Variants in CLRN1 observed in about 807,000 individuals in gnomAD.
The protein encoded by CLRN1 is clarin 1.
A neutral mutation model predicts 18.7 loss-of-function variants in CLRN1; 15 were observed. That is an observed-to-expected ratio of 0.80 (90% confidence interval 0.54 to 1.23). CLRN1 has a LOEUF of 1.23. Ranked by LOEUF, CLRN1 falls within the 50% of genes most tolerant of loss-of-function variation. The pLI is 0.00. For missense variants in CLRN1, 311 were observed against 277.5 expected (o/e 1.12, Z -0.86); for synonymous variants, 104 against 102.9 (o/e 1.01, Z -0.07).
At chr3:150,949,169 T>G (rs1682831969) in intron 1 of CLRN1, among the ~76,000 whole-genome samples, 1 of 152,164 alleles carries the variant, frequency 6.6e-6, no homozygotes, top group South Asian at 2.1e-4. Flanking sequence ...TGCTTCATGT[T>G]AAAAACTGTC....
chr3:150,927,464 G>A lies in CLRN1; in HGVS notation c.*472C>T. The A allele has an allele frequency of 2.2e-6, 1 of 452,708 alleles. No individual in the cohort carries two copies. The highest frequency in any genetic ancestry group is 1.6e-5 in the South Asian group (1 of 63,996). 28.0% of individuals were successfully genotyped at this position (452,708 alleles called of 1,614,324 possible). A position where few individuals can be genotyped will look rare whatever the true frequency, so the allele number is the denominator to read the frequency against. On this transcript the variant is annotated 3_prime_UTR_variant, in exon 3 of 3. Coordinates refer to ENST00000327047, the MANE Select transcript of CLRN1 (RefSeq NM_174878.3). ...AAACAAATTTTTTAAAATGTGTGTT[G>A]ATACATTTTATAGATGTTCATTTAA...
intron 1 of CLRN1, among the ~76,000 whole-genome samples, chr3:150,959,103 T>G (rs781011918): frequency 6.6e-6 from 1 of 152,228 alleles, no homozygotes; most frequent in Non-Finnish European, 1.5e-5. Context: ...CTGAATGATA[T>G]GCTAGCATAG....
intron 1 of CLRN1, 143 bp downstream of exon 1, chr3:150,972,313 C>T (rs1715576404): frequency 6.2e-6 from 6 of 963,820 alleles, no homozygotes; most frequent in Non-Finnish European, 9.3e-6. Context: ...AGAAATTGCT[C>T]AGAGTCATAG....
intron 1 of CLRN1, among the ~76,000 whole-genome samples, chr3:150,948,505 A>G (rs1442902995): frequency 6.7e-6 from 1 of 149,522 alleles, no homozygotes; most frequent in African/African-American, 2.4e-5. Flanking sequence ...AAAAAAAAAA[A>G]AAAAGAAATG....
At chr3:150,958,923 A>ACT (rs1714888738) in intron 1 of CLRN1, among the ~76,000 whole-genome samples, 1 of 151,894 alleles carries the variant, frequency 6.6e-6, no homozygotes, top group African/African-American at 2.4e-5. Context: ...AGCCTCCACA[A>ACT]CTCTTTCTCT....
In CLRN1 at chr3:150,927,162, G is replaced by A; in HGVS notation, c.*774C>T. 3.1e-6 allele frequency: 2 copies of A among 636,226 alleles called. No individual in the cohort carries two copies. The highest frequency in any genetic ancestry group is 5.7e-6 in the Non-Finnish European group (2 of 348,100). 39.4% of individuals were successfully genotyped at this position (636,226 alleles called of 1,614,324 possible). ...CTGTCGTGAATGTAATTGGGACTCA[G>A]GCACGGGAGGAAAAATACCCTAAGC... On this transcript the variant is annotated 3_prime_UTR_variant, in exon 3 of 3. Coordinates refer to ENST00000327047, the MANE Select transcript of CLRN1 (RefSeq NM_174878.3).
chr3:150,947,084 GT>G (rs1180354538), intron 1 of CLRN1, among the ~76,000 whole-genome samples: 2 of 151,954 alleles, frequency 1.3e-5, no homozygotes, highest in African/African-American at 4.8e-5. Context: ...TGGTGTTGTG[GT>G]TGCGCTTTTA....
At chr3:150,949,932 C>T (rs1714397040) in intron 1 of CLRN1, among the ~76,000 whole-genome samples, 1 of 152,080 alleles carries the variant, frequency 6.6e-6, no homozygotes, top group Non-Finnish European at 1.5e-5. Context: ...CTACAGTAAC[C>T]AAAACAGAAT....
At chr3:150,967,041 C>T (rs1473689288) in intron 1 of CLRN1, among the ~76,000 whole-genome samples, 1 of 152,182 alleles carries the variant, frequency 6.6e-6, no homozygotes, top group Non-Finnish European at 1.5e-5. Context: ...AAAGCGTAAT[C>T]TCTTGTGAGT....
chr3:150,948,326 T>C (rs1180072697), intron 1 of CLRN1, among the ~76,000 whole-genome samples: 33 of 151,132 alleles, frequency 2.2e-4, no homozygotes, highest in African/African-American at 7.8e-4. Context: ...CTACTAAAAA[T>C]ACAAAAAATT....
intron 2 of CLRN1, among the ~76,000 whole-genome samples, chr3:150,933,833 C>T (rs973143197): frequency 6.6e-6 from 1 of 152,210 alleles, no homozygotes; most frequent in African/African-American, 2.4e-5. Context: ...ACAACACTGC[C>T]CCTTTAGCCA....
At chr3:150,954,211 G>A (rs1714629378) in intron 1 of CLRN1, among the ~76,000 whole-genome samples, 1 of 152,154 alleles carries the variant, frequency 6.6e-6, no homozygotes, top group Non-Finnish European at 1.5e-5. Flanking sequence ...AGAAGCTGCG[G>A]AGTGTTTTCC....
At position 150,972,516 on chromosome 3, in the gene CLRN1, G is replaced by A; in HGVS notation, c.193C>T (p.Leu65Phe). 1 of 1,614,172 alleles carries A rather than the reference G, an allele frequency of 6.2e-7. No homozygotes were observed. The highest frequency in any genetic ancestry group is 8.5e-7 in the Non-Finnish European group (1 of 1,180,044). ...TGCCTCACACCCTCTCCGTGGAAAA[G>A]CCCGTACTGCATTTCACCCATAAAC... ...DKFMGEMQYGLFHGEGVRQCG... is the reference protein window; with the variant it reads ...DKFMGEMQYGFFHGEGVRQCG... The change falls in exon 1 of 3, where the codon CTT becomes TTT. Residue 65 changes from leucine to phenylalanine, a missense_variant. Physicochemically the swap from Leu to Phe is conservative, Grantham distance 22. Transcript: ENST00000327047.
rs554209092 is a variant in CLRN1, at chr3:150,970,914, C to A, written c.253+1542G>T. ...TGTGTAAGGATTAAATGAGACAAAG[C>A]ATATAAAGTGCTTAGTATGTAGTAA... On this transcript the variant is annotated intron_variant, in intron 1 of 2. Coordinates refer to ENST00000327047, the MANE Select transcript of CLRN1 (RefSeq NM_174878.3). 4.6e-5 allele frequency among the ~76,000 whole-genome samples: 7 copies of A among 152,320 alleles called. No homozygotes were observed. The South Asian group carries it at 1.4e-3, about 32-fold the overall frequency.
chr3:150,941,838 C>A (rs1211807727), intron 1 of CLRN1, 77 bp from the exon 2 acceptor site: 1 of 1,308,920 alleles, frequency 7.6e-7, no homozygotes, highest in African/African-American at 1.5e-5. Flanking sequence ...AAAATCAAAT[C>A]TCTCTTTTTT....
chr3:150,936,800 C>T (rs1385970336), intron 2 of CLRN1, among the ~76,000 whole-genome samples: 1 of 152,114 alleles, frequency 6.6e-6, no homozygotes, highest in Non-Finnish European at 1.5e-5. Context: ...TGCCATTTCC[C>T]CTCACTACCC....
chr3:150,946,262 T>C (rs1287994790), intron 1 of CLRN1, among the ~76,000 whole-genome samples: 1 of 152,192 alleles, frequency 6.6e-6, no homozygotes, highest in Admixed American at 6.5e-5. Context: ...TCAACAGCCC[T>C]ATGAGGTAGG....
In CLRN1 at chr3:150,927,933, C is replaced by G; in HGVS notation, c.*3G>C. On this transcript the variant is annotated 3_prime_UTR_variant, in exon 3 of 3. Transcript: ENST00000327047. ...CTTGTAAAATTATAGAAAGGTTTGC[C>G]TTTCAGTACATTAGATCTGCAGCTA... The G allele has an allele frequency of 6.2e-7, 1 of 1,614,042 alleles. No homozygotes were observed. Among genetic ancestry groups the G allele is most frequent in the Middle Eastern group, 1.7e-4 (1 of 6,014 alleles).
At chr3:150,931,164 A>G (rs1223441579) in intron 2 of CLRN1, among the ~76,000 whole-genome samples, 1 of 152,242 alleles carries the variant, frequency 6.6e-6, no homozygotes, top group African/African-American at 2.4e-5. Context: ...TCTAAAAAAG[A>G]CATGGGATCA....
Sources: allele counts gnomAD v4.1 joint callset (sites outside exome capture counted in the v4.1 genomes callset), GRCh38; gene constraint gnomAD v4.1.1; transcripts MANE v1.5; gene names NCBI Gene and HGNC (gene_info 2026-07-23, HGNC 2026-07-21).